ACSS3: variants seen among roughly 807,000 people sequenced by gnomAD.
ACSS3 encodes acyl-CoA synthetase short chain family member 3, also known as acyl-CoA synthetase short-chain family member 3, mitochondrial.
A neutral mutation model predicts 84.2 loss-of-function variants in ACSS3; 64 were observed. The observed-to-expected ratio is 0.76, with a 90% confidence interval of 0.62 to 0.94. The LOEUF (loss-of-function observed/expected upper bound fraction) is 0.94. Among genes scored for constraint, ACSS3 ranks in the 40% least tolerant of loss-of-function variants. The probability of loss-of-function intolerance (pLI) is 0.00; values close to 1 mark genes in which losing one functional copy is unlikely to be tolerated. For synonymous variants in ACSS3, 317 were observed against 310.1 expected (o/e 1.02, Z -0.23); for missense variants, 815 against 867.6 (o/e 0.94, Z 0.76).
chr12:81,199,770 A>G (rs745471404), intron 9 of ACSS3: 239 of 1,004,506 alleles, frequency 2.4e-4, no homozygotes, highest in Non-Finnish European at 2.9e-4. Flanking sequence ...TTCCACCTTC[A>G]GTATTCCCCT....
Position 81,109,690 on chromosome 12 carries a change from G to T in ACSS3, c.442G>T (p.Glu148Ter). ...TNTKATFTYKEVLEQVSKLAG... is the reference protein window; with the variant it reads ...TNTKATFTYK ...CACTAAAGCAACCTTTACCTATAAA[G>T]AAGTTCTGGAGCAGGTAATATCATA... is the stretch of plus-strand genomic sequence containing the variant. The change falls in exon 2 of 16, where the codon GAA (glutamate) becomes TAA (stop). Residue 148 changes from glutamate to a stop codon, truncating the protein, a stop_gained. Coordinates refer to ENST00000548058, the MANE Select transcript of ACSS3 (RefSeq NM_024560.4). LOFTEE classifies it high-confidence loss of function. 1 of 1,600,136 alleles carries T rather than the reference G, an allele frequency of 6.2e-7. No homozygotes were observed.
At chr12:81,100,893 C>T (rs932654659) in intron 1 of ACSS3, among the ~76,000 whole-genome samples, 4 of 152,182 alleles carry the variant, frequency 2.6e-5, no homozygotes, top group African/African-American at 9.7e-5. Context: ...CCCTGGGCTA[C>T]AGAAAGCGAC....
At chr12:81,145,110 G>A (rs559036647) in intron 5 of ACSS3, among the ~76,000 whole-genome samples, 64 of 144,002 alleles carry the variant, frequency 4.4e-4, no homozygotes, top group African/African-American at 1.6e-3. Flanking sequence ...TAGAGATGGG[G>A]TTTCACTGTG....
upstream of ACSS3, chr12:81,077,921 C>T (rs1029246152): frequency 8.8e-6 from 5 of 569,716 alleles, no homozygotes; most frequent in Non-Finnish European, 1.4e-5. Flanking sequence ...ACCCCTGTCC[C>T]GGGGCCCCCA....
At chr12:81,123,634 C>T (rs937054988) in intron 2 of ACSS3, among the ~76,000 whole-genome samples, 5 of 152,058 alleles carry the variant, frequency 3.3e-5, no homozygotes, top group African/African-American at 1.2e-4. Context: ...TCTCTATAGT[C>T]CCCAGTGCCC....
intron 2 of ACSS3, among the ~76,000 whole-genome samples, chr12:81,113,936 T>C (rs1381370868): frequency 2.0e-5 from 3 of 152,068 alleles, no homozygotes; most frequent in African/African-American, 7.2e-5. Flanking sequence ...CTCAGTGAAA[T>C]AAAAGGTATG....
intron 7 of ACSS3, among the ~76,000 whole-genome samples, chr12:81,156,209 C>CCCCCA: frequency 6.8e-6 from 1 of 147,182 alleles, no homozygotes; most frequent in Non-Finnish European, 1.5e-5. Context: ...CACACACACC[C>CCCCCA]CACACACACA....
chr12:81,235,580 T>C (rs980546021), intron 13 of ACSS3, among the ~76,000 whole-genome samples: 1 of 151,436 alleles, frequency 6.6e-6, no homozygotes, highest in African/African-American at 2.4e-5. Context: ...TGGAGAAAAA[T>C]TGCTATTTCA....
intron 3 of ACSS3, among the ~76,000 whole-genome samples, chr12:81,135,679 C>G (rs756943253): frequency 2.0e-5 from 3 of 151,596 alleles, no homozygotes; most frequent in Non-Finnish European, 2.9e-5. Flanking sequence ...ACTGGAAACC[C>G]AGAACGGGGA....
intron 1 of ACSS3, among the ~76,000 whole-genome samples, chr12:81,099,686 G>GAA (rs1882348880): frequency 6.6e-6 from 1 of 152,138 alleles, no homozygotes; most frequent in Admixed American, 6.5e-5. Context: ...GTTACTCTCT[G>GAA]AAAAATGGCT....
At chr12:81,095,935 A>G (rs4576886) in intron 1 of ACSS3, among the ~76,000 whole-genome samples, 51,436 of 152,048 alleles carry the variant, frequency 0.34, 8,933 homozygotes, top group East Asian at 0.47. Flanking sequence ...GTGCTTTCCA[A>G]GTACTTTCAC....
At chr12:81,196,383 C>T (rs933853585) in intron 8 of ACSS3, among the ~76,000 whole-genome samples, 3 of 151,940 alleles carry the variant, frequency 2.0e-5, no homozygotes, top group African/African-American at 7.3e-5. Context: ...AGATGTCTCA[C>T]CAGTAATTTT....
intron 9 of ACSS3, among the ~76,000 whole-genome samples, chr12:81,211,564 T>G (rs1226418649): frequency 6.6e-6 from 1 of 152,196 alleles, no homozygotes; most frequent in Non-Finnish European, 1.5e-5. Flanking sequence ...TTGTGAATTA[T>G]CATGTGAATT....
chr12:81,138,050 C>T (rs920461466), intron 3 of ACSS3, among the ~76,000 whole-genome samples: 30 of 152,162 alleles, frequency 2.0e-4, no homozygotes, highest in African/African-American at 6.7e-4. Context: ...GCAGGCAATA[C>T]TATATATGCA....
At chr12:81,113,825 C>T (rs188941386) in intron 2 of ACSS3, among the ~76,000 whole-genome samples, 4 of 152,048 alleles carry the variant, frequency 2.6e-5, no homozygotes, top group Admixed American at 2.6e-4. Flanking sequence ...CTTGGATTTC[C>T]CACACTTATA....
At chr12:81,174,051 G>T (rs1295100334) in intron 7 of ACSS3, among the ~76,000 whole-genome samples, 6 of 152,118 alleles carry the variant, frequency 3.9e-5, no homozygotes, top group Non-Finnish European at 8.8e-5. Flanking sequence ...AGGGGATGTG[G>T]CTTGGCCAAG....
At chr12:81,224,324 C>T (rs1349092343) in intron 11 of ACSS3, among the ~76,000 whole-genome samples, 1 of 151,784 alleles carries the variant, frequency 6.6e-6, no homozygotes, top group Non-Finnish European at 1.5e-5. Context: ...AGAAAAAGAG[C>T]TCCAGTGCAC....
intron 1 of ACSS3, among the ~76,000 whole-genome samples, chr12:81,079,183 C>A (rs1880813750): frequency 6.6e-6 from 1 of 152,136 alleles, no homozygotes; most frequent in Non-Finnish European, 1.5e-5. Flanking sequence ...AGTCTTCCAC[C>A]TGGAGTTGGA....
intron 15 of ACSS3, 81 bp from the exon 16 acceptor site, chr12:81,254,776 A>G: frequency 9.0e-7 from 1 of 1,116,736 alleles, no homozygotes; most frequent in Non-Finnish European, 1.3e-6. Context: ...GGAAAACAAC[A>G]TTGCATATAA....
Sources: allele counts gnomAD v4.1 joint callset (sites outside exome capture counted in the v4.1 genomes callset), GRCh38; gene constraint gnomAD v4.1.1; transcripts MANE v1.5; gene names NCBI Gene and HGNC (gene_info 2026-07-23, HGNC 2026-07-21).